The following MACROD2 variants were observed in gnomAD, a reference collection of about 807,000 sequenced individuals.
MACROD2 encodes mono-ADP ribosylhydrolase 2, also known as ADP-ribose glycohydrolase MACROD2.
In MACROD2, 36 loss-of-function variants were observed where a neutral mutation model predicts 70.4. That is an observed-to-expected ratio of 0.51 (90% CI 0.39 to 0.68). MACROD2 has a LOEUF of 0.68. MACROD2 is among the 30% of genes least tolerant of loss of function. MACROD2 has a pLI of 0.00. For missense variants in MACROD2, 496 were observed against 538.4 expected (o/e 0.92, Z 0.78); for synonymous variants, 172 against 178.8 (o/e 0.96, Z 0.30).
chr20:15,735,646 A>C (rs1053544501), intron 8 of MACROD2, among the ~76,000 whole-genome samples: 1 of 152,162 alleles, frequency 6.6e-6, no homozygotes, highest in Non-Finnish European at 1.5e-5. Flanking sequence ...TGTAACTTTC[A>C]ATTCTACTTT....
At chr20:15,469,654 G>A (rs1007287692) in intron 7 of MACROD2, among the ~76,000 whole-genome samples, 1 of 152,148 alleles carries the variant, frequency 6.6e-6, no homozygotes, top group Non-Finnish European at 1.5e-5. Flanking sequence ...GGGCCTGGGC[G>A]ATGCCAGTGG....
At chr20:15,496,523 G>T (rs1206740970) in intron 7 of MACROD2, among the ~76,000 whole-genome samples, 2 of 152,192 alleles carry the variant, frequency 1.3e-5, no homozygotes, top group Admixed American at 1.3e-4. Flanking sequence ...ATGACAACTT[G>T]TATAATTTCT....
At chr20:15,735,506 G>T (rs920662682) in intron 8 of MACROD2, among the ~76,000 whole-genome samples, 17 of 152,140 alleles carry the variant, frequency 1.1e-4, no homozygotes, top group Non-Finnish European at 2.2e-4. Flanking sequence ...ACCTTCATGA[G>T]AAATCAGAAG....
At chr20:14,888,283 C>G (rs1201008095) in intron 5 of MACROD2, 1 of 152,304 alleles carries the variant, frequency 6.6e-6, no homozygotes, top group Non-Finnish European at 1.5e-5. Flanking sequence ...CCTGCCACAG[C>G]CATCCTCTCT....
At chr20:15,214,307 A>G (rs529882896) in intron 5 of MACROD2, among the ~76,000 whole-genome samples, 3 of 152,256 alleles carry the variant, frequency 2.0e-5, no homozygotes, top group African/African-American at 7.2e-5. Flanking sequence ...GAACCTAAGA[A>G]CTAAGTGAGG....
intron 5 of MACROD2, among the ~76,000 whole-genome samples, chr20:14,792,027 T>C (rs142145377): frequency 6.6e-6 from 1 of 152,198 alleles, no homozygotes; most frequent in East Asian, 1.9e-4. Context: ...TATCTTACAG[T>C]TACATAATGT....
intron 12 of MACROD2, among the ~76,000 whole-genome samples, chr20:15,951,561 G>A (rs2065906727): frequency 6.6e-6 from 1 of 152,052 alleles, no homozygotes; most frequent in Non-Finnish European, 1.5e-5. Context: ...TGCACCAGAT[G>A]TGTCAAATTA....
intron 3 of MACROD2, among the ~76,000 whole-genome samples, chr20:14,454,840 C>A (rs1431190006): frequency 6.6e-6 from 1 of 151,370 alleles, no homozygotes; most frequent in Non-Finnish European, 1.5e-5. Flanking sequence ...GCAAGCTCCG[C>A]CTCCCGGGCT....
chr20:15,756,411 G>GA (rs11346548), intron 8 of MACROD2, among the ~76,000 whole-genome samples: 9 of 148,626 alleles, frequency 6.1e-5, no homozygotes, highest in Admixed American at 2.0e-4. Context: ...CTTGGTTTGA[G>GA]AAAAAAAAAA....
chr20:15,022,402 A>G (rs1428751965), intron 5 of MACROD2, among the ~76,000 whole-genome samples: 1 of 152,088 alleles, frequency 6.6e-6, no homozygotes, highest in Non-Finnish European at 1.5e-5. Context: ...ATATTATTTG[A>G]TGTTTTTATT....
intron 5 of MACROD2, among the ~76,000 whole-genome samples, chr20:15,069,413 A>G (rs2075601895): frequency 1.3e-5 from 2 of 152,342 alleles, no homozygotes; most frequent in Admixed American, 6.5e-5. Flanking sequence ...AGAGATTTGC[A>G]TGACTGAAAG....
At chr20:15,642,368 C>A (rs973081977) in intron 8 of MACROD2, among the ~76,000 whole-genome samples, 21 of 152,162 alleles carry the variant, frequency 1.4e-4, no homozygotes, top group Admixed American at 1.2e-3. Flanking sequence ...TCCCAGCAAC[C>A]ATTTCCCATT....
intron 8 of MACROD2, among the ~76,000 whole-genome samples, chr20:15,642,216 A>G (rs2049470641): frequency 6.6e-6 from 1 of 152,202 alleles, no homozygotes; most frequent in Non-Finnish European, 1.5e-5. Context: ...ATTTCTAGAC[A>G]ATGGAGGGGA....
intron 8 of MACROD2, among the ~76,000 whole-genome samples, chr20:15,788,817 G>A (rs931666444): frequency 6.6e-6 from 1 of 152,170 alleles, no homozygotes; most frequent in Non-Finnish European, 1.5e-5. Flanking sequence ...AAGATATTAT[G>A]AGGGCGTTTT....
At chr20:14,959,175 A>G (rs1244585849) in intron 5 of MACROD2, among the ~76,000 whole-genome samples, 2 of 152,160 alleles carry the variant, frequency 1.3e-5, no homozygotes, top group Non-Finnish European at 2.9e-5. Context: ...CTTGTTGCCC[A>G]GGCTGGAGTG....
chr20:14,820,357 CTTTTTTTTT>C lies in MACROD2; in HGVS notation c.418+135409_418+135417del, dbSNP rs11475238. Among the ~76,000 whole-genome samples the C allele has an allele frequency of 3.4e-5, 4 of 116,140 alleles. No individual in the cohort carries two copies. In the Admixed American group the frequency reaches 3.6e-4, roughly 10 times the overall value. 76.2% of individuals were successfully genotyped at this position (116,140 alleles called of 152,430 possible). A position where few individuals can be genotyped will look rare whatever the true frequency, so the allele number is the denominator to read the frequency against. On this transcript the variant is annotated intron_variant, in intron 5 of 17. Coordinates refer to ENST00000684519, the MANE Select transcript of MACROD2 (RefSeq NM_001351661.2). ...GTGGGATTAGGAATAATTTTTCTTC[CTTTTTTTTT>C]TTTTTTTTTTGTTTTCTCTGCTTTA... is the stretch of plus-strand genomic sequence containing the variant.
chr20:14,471,369 G>A (rs2084528837), intron 3 of MACROD2, among the ~76,000 whole-genome samples: 1 of 152,134 alleles, frequency 6.6e-6, no homozygotes, highest in Non-Finnish European at 1.5e-5. Flanking sequence ...TTCCTATTTG[G>A]CCATCTTGCC....
chr20:14,095,947 C>T (rs987722654), intron 3 of MACROD2, among the ~76,000 whole-genome samples: 4 of 152,142 alleles, frequency 2.6e-5, no homozygotes, highest in Non-Finnish European at 4.4e-5. Context: ...TGTTACCTTG[C>T]TCACTGTGCA....
chr20:14,808,760 G>T (rs190139918), intron 5 of MACROD2, among the ~76,000 whole-genome samples: 1 of 127,886 alleles, frequency 7.8e-6, no homozygotes, highest in South Asian at 2.4e-4. Context: ...AAAATGGAAA[G>T]AAAAAAAAAA....
Sources: allele counts gnomAD v4.1 joint callset (sites outside exome capture counted in the v4.1 genomes callset), GRCh38; gene constraint gnomAD v4.1.1; transcripts MANE v1.5; gene names NCBI Gene and HGNC (gene_info 2026-07-23, HGNC 2026-07-21).